ADAM18: variants seen among roughly 807,000 people sequenced by gnomAD.
The protein encoded by ADAM18 is ADAM metallopeptidase domain 18.
Under a neutral mutation model 94.4 loss-of-function variants are expected in ADAM18, and 117 were observed. That is an observed-to-expected ratio of 1.24 (90% confidence interval 1.07 to 1.45). The LOEUF is 1.45. ADAM18 is among the 40% of genes most tolerant of loss of function. The probability of loss-of-function intolerance (pLI) is 0.00; values close to 1 mark genes in which losing one functional copy is unlikely to be tolerated. For missense variants in ADAM18, 936 were observed against 880.0 expected (o/e 1.06, Z -0.81); for synonymous variants, 327 against 291.6 (o/e 1.12, Z -1.24).
chr8:39,669,496 GA>G (rs1336603085), intron 14 of ADAM18, among the ~76,000 whole-genome samples: 1 of 118,992 alleles, frequency 8.4e-6, no homozygotes. Flanking sequence ...CCCAGTGTGT[GA>G]TGTTCCCCTT....
rs189845325 is a variant in ADAM18, at chr8:39,719,920, A to G, written c.2018-3828A>G. On this transcript the variant is annotated intron_variant, in intron 18 of 19. Coordinates refer to ENST00000265707, the MANE Select transcript of ADAM18 (RefSeq NM_014237.3). ...ATTTACCCAGTAGAATAGAATGCTG[A>G]TGCCCATACAAAGCCTTCCATATAA... 2.5e-3 allele frequency among the ~76,000 whole-genome samples: 384 copies of G among 151,626 alleles called. 1 individual carries two copies. Among genetic ancestry groups the G allele is most frequent in the African/African-American group, 8.7e-3 (362 of 41,506 alleles).
chr8:39,711,409 A>G (rs1822394179), intron 18 of ADAM18, among the ~76,000 whole-genome samples: 1 of 152,162 alleles, frequency 6.6e-6, no homozygotes, highest in African/African-American at 2.4e-5. Context: ...AACAAAATTA[A>G]TTGACAGAAA....
At chr8:39,728,138 GGACAGCACCAAACCATGGGA>G (rs1305541715) in intron 19 of ADAM18, among the ~76,000 whole-genome samples, 1 of 152,032 alleles carries the variant, frequency 6.6e-6, no homozygotes. Flanking sequence ...ACTATTACCA[GGACAGCACCAAACCATGGGA>G]GATTCACCCC....
chr8:39,666,019 A>G (rs1178057990), intron 13 of ADAM18, among the ~76,000 whole-genome samples: 1 of 152,088 alleles, frequency 6.6e-6, no homozygotes, highest in Non-Finnish European at 1.5e-5. Flanking sequence ...ATGTCCTCTG[A>G]AAATAAATTA....
chr8:39,716,680 AG>A (rs1453304505), intron 18 of ADAM18, among the ~76,000 whole-genome samples: 10 of 151,976 alleles, frequency 6.6e-5, no homozygotes, highest in African/African-American at 2.4e-4. Context: ...GCTGCTGTTG[AG>A]TGGAATATTT....
rs975928927 is a variant in ADAM18, at chr8:39,709,220, G to A, written c.2017+2316G>A. ...GAAGGGGAGCCGAAAAGGGGATGGGGTGGGAAGGTAATCTTCTCTTGAAGT... is the reference window on the plus strand; with the variant it reads ...GAAGGGGAGCCGAAAAGGGGATGGGATGGGAAGGTAATCTTCTCTTGAAGT... On this transcript the variant is annotated intron_variant, in intron 18 of 19. Coordinates refer to ENST00000265707, the MANE Select transcript of ADAM18 (RefSeq NM_014237.3). 1.3e-5 allele frequency among the ~76,000 whole-genome samples: 2 copies of A among 152,312 alleles called. 1 individual carries two copies. Among genetic ancestry groups the A allele is most frequent in the South Asian group, 4.1e-4 (2 of 4,824 alleles).
chr8:39,594,735 A>G (rs1818685847), intron 2 of ADAM18, among the ~76,000 whole-genome samples: 1 of 148,360 alleles, frequency 6.7e-6, no homozygotes, highest in Non-Finnish European at 1.5e-5. Context: ...ATTACTTTCA[A>G]GATTTTAAAA....
chr8:39,592,696 G>A (rs1014761909), intron 2 of ADAM18, among the ~76,000 whole-genome samples: 2 of 152,132 alleles, frequency 1.3e-5, no homozygotes, highest in Admixed American at 6.6e-5. Context: ...TCCAAAATGG[G>A]GGATGGGGAC....
At chr8:39,638,035 T>A (rs952381649) in intron 9 of ADAM18, among the ~76,000 whole-genome samples, 2 of 151,980 alleles carry the variant, frequency 1.3e-5, no homozygotes, top group Non-Finnish European at 2.9e-5. Context: ...TTATTCATGA[T>A]AAATTAATAC....
intron 16 of ADAM18, among the ~76,000 whole-genome samples, chr8:39,686,389 T>C (rs746916638): frequency 6.6e-5 from 10 of 152,196 alleles, no homozygotes; most frequent in Non-Finnish European, 1.3e-4. Flanking sequence ...TAGGACTCAT[T>C]ATCTGCTTCA....
At chr8:39,708,454 T>C (rs1438012263) in intron 18 of ADAM18, among the ~76,000 whole-genome samples, 2 of 152,230 alleles carry the variant, frequency 1.3e-5, no homozygotes, top group Non-Finnish European at 2.9e-5. Flanking sequence ...TACCATACAG[T>C]ATTTATTCTC....
intron 18 of ADAM18, among the ~76,000 whole-genome samples, chr8:39,712,148 G>A (rs982105953): frequency 1.3e-5 from 2 of 150,068 alleles, no homozygotes; most frequent in African/African-American, 2.5e-5. Flanking sequence ...CAATAATCAC[G>A]TTCAATGTTA....
chr8:39,692,742 T>G, intron 17 of ADAM18, 62 bp downstream of exon 17: 1 of 1,348,318 alleles, frequency 7.4e-7, no homozygotes, highest in Non-Finnish European at 1.0e-6. Context: ...TAAACATCTG[T>G]TTATGAGGAT....
chr8:39,700,298 A>G (rs1487427277), intron 17 of ADAM18, among the ~76,000 whole-genome samples: 1 of 152,206 alleles, frequency 6.6e-6, no homozygotes, highest in Non-Finnish European at 1.5e-5. Context: ...GATGTACAGT[A>G]ATTTCATTTT....
At chr8:39,623,744 C>A (rs1819686072) in intron 6 of ADAM18, among the ~76,000 whole-genome samples, 1 of 151,996 alleles carries the variant, frequency 6.6e-6, no homozygotes, top group South Asian at 2.1e-4. Context: ...CTACAGACAC[C>A]TGCCACCATG....
Position 39,648,514 on chromosome 8 carries a change from G to T in ADAM18, c.1217G>T (p.Cys406Phe). The T allele has an allele frequency of 6.3e-7, 1 of 1,598,388 alleles. No individual in the cohort carries two copies. Among genetic ancestry groups the T allele is most frequent in the South Asian group, 1.1e-5 (1 of 87,226 alleles). Residue 406 changes from cysteine to phenylalanine, a missense_variant, in exon 12 of 20, where the codon TGT becomes TTT. Transcript: ENST00000265707. ...GILESNEECDCGNKNECQFKK... is the reference protein window; with the variant it reads ...GILESNEECDFGNKNECQFKK... ...TTGGAATCCAATGAAGAATGTGACT[G>T]TGGTAATAAAAATGTGAGTAACAAA...
chr8:39,612,477 C>T (rs945728764), intron 6 of ADAM18, among the ~76,000 whole-genome samples: 2 of 152,132 alleles, frequency 1.3e-5, no homozygotes, highest in East Asian at 3.9e-4. Context: ...CTTGATCTGG[C>T]AGAGAGAGCT....
chr8:39,629,601 C>T (rs1468225277), intron 7 of ADAM18, among the ~76,000 whole-genome samples, 162 bp downstream of exon 7: 1 of 150,768 alleles, frequency 6.6e-6, no homozygotes, highest in East Asian at 1.9e-4. Flanking sequence ...TTCCTCCCCT[C>T]CCCTCTGTCT....
At chr8:39,703,868 T>C (rs1242989558) in intron 17 of ADAM18, among the ~76,000 whole-genome samples, 4 of 151,892 alleles carry the variant, frequency 2.6e-5, no homozygotes, top group Admixed American at 1.3e-4. Context: ...CAATCAGAAA[T>C]GATAAAGGGG....
Sources: allele counts gnomAD v4.1 joint callset (sites outside exome capture counted in the v4.1 genomes callset), GRCh38; gene constraint gnomAD v4.1.1; transcripts MANE v1.5; gene names NCBI Gene and HGNC (gene_info 2026-07-23, HGNC 2026-07-21).